The following SMTN variants were observed in gnomAD, a reference collection of about 807,000 sequenced individuals.
SMTN encodes the protein smoothelin.
A neutral mutation model predicts 102.0 loss-of-function variants in SMTN; 58 were observed. The observed-to-expected ratio is 0.57, with a 90% CI of 0.46 to 0.71. SMTN has a LOEUF of 0.71. SMTN is among the 30% of genes least tolerant of loss of function. The pLI is 0.00. For synonymous variants in SMTN, 478 were observed against 497.9 expected, an observed-to-expected ratio of 0.96 and a Z score of 0.53; for missense variants, 1,185 against 1,241.7, an observed-to-expected ratio of 0.95 and a Z score of 0.69.
upstream of SMTN, among the ~76,000 whole-genome samples, chr22:31,080,124 A>G (rs1350698765): frequency 6.6e-6 from 1 of 152,192 alleles, no homozygotes; most frequent in Non-Finnish European, 1.5e-5. Flanking sequence ...GGATGAAATG[A>G]AATGACACAT....
intron 1 of SMTN, chr22:31,082,685 T>G: frequency 4.7e-6 from 3 of 640,912 alleles, no homozygotes; most frequent in Non-Finnish European, 8.6e-6. Flanking sequence ...TGTACCTTCC[T>G]ATACCTGGGG....
At chr22:31,084,723 AAG>A (rs1274302012) in intron 2 of SMTN, among the ~76,000 whole-genome samples, 6 of 152,130 alleles carry the variant, frequency 3.9e-5, no homozygotes, top group Non-Finnish European at 7.4e-5. Flanking sequence ...GGCGCTGGAA[AAG>A]AGTTTTGGAG....
intron 10 of SMTN, 40 bp downstream of exon 10, chr22:31,091,522 C>CT: frequency 6.6e-7 from 1 of 1,514,930 alleles, no homozygotes; most frequent in Non-Finnish European, 8.8e-7. Flanking sequence ...GGATGAGTGC[C>CT]TGCAACCGCA....
In SMTN at chr22:31,099,177, G is replaced by A; in HGVS notation, c.2449G>A (p.Glu817Lys). 1.2e-6 allele frequency: 2 copies of A among 1,610,626 alleles called. No homozygotes were observed. Among genetic ancestry groups the A allele is most frequent in the Non-Finnish European group, 1.7e-6 (2 of 1,178,342 alleles). ...DWCRAKTRGY[E>K]HVDIQNFSSS... ...GTGTCGAGCCAAGACTCGCGGCTAC[G>A]AGGTGAGCCCCGGGAGGCCAGGGGG... The change falls in exon 18 of 21, where the codon GAG becomes AAG. Residue 817 changes from glutamate (E) to lysine (K), a missense_variant and splice_region_variant. Glu to Lys is a moderately conservative substitution (Grantham distance 56). This residue lies in a region of SMTN where 1,096 missense variants were observed against 1,112.7 expected (regional missense o/e 0.98). Transcript: ENST00000333137.
At position 31,104,416 on chromosome 22, in the gene SMTN, T is replaced by C; in HGVS notation, c.*121T>C. On this transcript the variant is annotated 3_prime_UTR_variant, in exon 21 of 21. Coordinates refer to ENST00000333137, the MANE Select transcript of SMTN (RefSeq NM_134269.3). ...TGTCTTCACCTATGTGCAGTCGCTC[T>C]ACAACCACCTGCGACGCCACGAACT... is the stretch of plus-strand genomic sequence containing the variant. 1 of 1,614,164 alleles carries C rather than the reference T, an allele frequency of 6.2e-7. No individual in the cohort carries two copies. Among genetic ancestry groups the C allele is most frequent in the Non-Finnish European group, 8.5e-7 (1 of 1,180,020 alleles).
Position 31,093,841 on chromosome 22 carries a change from C to T in SMTN, c.1633-1462C>T, listed in dbSNP as rs576347609. 86 of 1,587,276 alleles carry T rather than the reference C, an allele frequency of 5.4e-5. No homozygotes were observed. Among genetic ancestry groups the T allele is most frequent in the East Asian group, 1.8e-4 (8 of 44,322 alleles). On this transcript the variant is annotated intron_variant, in intron 11 of 20. Coordinates refer to ENST00000333137, the MANE Select transcript of SMTN (RefSeq NM_134269.3). The stretch of plus-strand genomic sequence containing the variant: ...CCCACCTGCCTTCAGCACCCGCCGC[C>T]GCTCCTCCACCGGCACCACCCGCAG...
chr22:31,080,311 A>T (rs2042242949), upstream of SMTN: 1 of 152,256 alleles, frequency 6.6e-6, no homozygotes, highest in Admixed American at 6.5e-5. Flanking sequence ...TATGAATCAC[A>T]GCTTTACTAC....
At chr22:31,099,692 C>A in intron 18 of SMTN, 53 bp from the exon 19 acceptor site, 1 of 1,594,682 alleles carries the variant, frequency 6.3e-7, no homozygotes, top group Non-Finnish European at 8.6e-7. Flanking sequence ...GAGGGGTAGA[C>A]AGCAGGGGGG....
intron 1 of SMTN, 134 bp downstream of exon 1, chr22:31,081,590 G>A (rs2042312160): frequency 6.6e-6 from 1 of 152,264 alleles, no homozygotes; most frequent in South Asian, 2.1e-4. Flanking sequence ...CTAAGCCATG[G>A]GATAAAGTTA....
intron 2 of SMTN, 132 bp downstream of exon 2, chr22:31,083,441 G>C (rs1029483521): frequency 3.5e-6 from 4 of 1,128,256 alleles, no homozygotes; most frequent in Middle Eastern, 6.1e-4. Context: ...ATGGGAACAG[G>C]GGTAGGCCAG....
At chr22:31,071,749 G>A (rs1410702667) in intron 1 of SMTN, among the ~76,000 whole-genome samples, 4 of 146,320 alleles carry the variant, frequency 2.7e-5, no homozygotes, top group Admixed American at 1.4e-4. Flanking sequence ...AATCTGGAGT[G>A]CAGTGGCATG....
chr22:31,076,070 C>T (rs987570343), intron 1 of SMTN, among the ~76,000 whole-genome samples: 5 of 152,150 alleles, frequency 3.3e-5, no homozygotes, highest in Admixed American at 2.0e-4. Flanking sequence ...GCCTGGCTGG[C>T]GGAAGGCTGG....
At chr22:31,084,207 G>A (rs527779156) in intron 2 of SMTN, among the ~76,000 whole-genome samples, 2 of 152,302 alleles carry the variant, frequency 1.3e-5, no homozygotes, top group African/African-American at 4.8e-5. Flanking sequence ...AACCCCAAAG[G>A]CCAGGCAGCC....
intron 11 of SMTN, chr22:31,092,499 G>C: frequency 2.1e-6 from 1 of 471,244 alleles, no homozygotes; most frequent in Middle Eastern, 3.2e-4. Context: ...AGCCGGGAAA[G>C]GGATCCCCAA....
At chr22:31,085,225 C>A in intron 2 of SMTN, 1 of 1,534,376 alleles carries the variant, frequency 6.5e-7, no homozygotes, top group South Asian at 1.2e-5. Context: ...TAGATCCGGA[C>A]ACTGAAGCAG....
rs2042448770 is a variant in SMTN at position 31,083,501 on chromosome 22, T to A, written c.51+192T>A. The A allele has an allele frequency of 6.1e-6, 4 of 659,180 alleles. No homozygotes were observed. The East Asian group carries it at 1.2e-4, about 20-fold the overall frequency. The allele number at this position is 659,180 out of a possible 1,614,324, so 40.8% of individuals were successfully genotyped here. ...CTTGTGGCATGTGCCTGTCCATGCC[T>A]GGTACTGAAGCCTAGTCCCTCCCAA... On this transcript the variant is annotated intron_variant, in intron 2 of 20. Coordinates refer to ENST00000333137, the MANE Select transcript of SMTN (RefSeq NM_134269.3).
In SMTN at chr22:31,090,031, T is replaced by G. The variant is rs915347615; in HGVS notation, c.792+12T>G. ...AGGTGGTCAACAAGGTGAGTCTGGA[T>G]GAGGGGCAGGGATGCCAGGCAAGTG... On this transcript the variant is annotated intron_variant, in intron 7 of 20. Transcript: ENST00000333137. The G allele has an allele frequency of 1.2e-6, 2 of 1,610,116 alleles. No homozygotes were observed. The highest frequency in any genetic ancestry group is 1.3e-5 in the African/African-American group (1 of 74,798).
At position 31,098,896 on chromosome 22, in the gene SMTN, G is replaced by A. The variant is rs539608748; in HGVS notation, c.2333+56G>A. 2.7e-5 allele frequency: 41 copies of A among 1,546,978 alleles called. No individual in the cohort carries two copies. The African/African-American group carries it at 3.1e-4, about 12-fold the overall frequency. On this transcript the variant is annotated intron_variant, in intron 17 of 20. Transcript: ENST00000333137. ...GGGCGGGGCGTGATAGGCAGTGGGGGGCGGGGCTTGATAGTTGGCCCGGCA... is the reference window on the plus strand; with the variant it reads ...GGGCGGGGCGTGATAGGCAGTGGGGAGCGGGGCTTGATAGTTGGCCCGGCA...
At chr22:31,099,634 C>A in intron 18 of SMTN, 111 bp from the exon 19 acceptor site, 1 of 1,157,560 alleles carries the variant, frequency 8.6e-7, no homozygotes, top group Non-Finnish European at 1.2e-6. Flanking sequence ...GTGCAAGCTA[C>A]GGGGCCTCTT....
Sources: gnomAD v4.1 joint callset for allele counts (sites outside exome capture counted in the v4.1 genomes callset) on GRCh38, gnomAD v4.1.1 for gene constraint, gnomAD v4.1.1 regional missense constraint, MANE v1.5 for transcripts, NCBI Gene and HGNC (gene_info 2026-07-23, HGNC 2026-07-21) for gene names.